CEP152: variants seen among roughly 807,000 people sequenced by gnomAD.
CEP152 encodes the protein centrosomal protein of 152 kDa.
Under a neutral mutation model 188.9 loss-of-function variants are expected in CEP152, and 132 were observed. The ratio of observed to expected loss-of-function variants is 0.70; its 90% CI spans 0.61 to 0.81. The LOEUF (loss-of-function observed/expected upper bound fraction) is 0.81. Among genes scored for constraint, CEP152 ranks in the 30% least tolerant of loss-of-function variants. The pLI, the probability that CEP152 is intolerant of heterozygous loss-of-function variation, is 0.00. For synonymous variants in CEP152, 649 were observed against 666.6 expected (o/e 0.97, Z 0.41); for missense variants, 1,914 against 1,969.8 (o/e 0.97, Z 0.54).
intron 19 of CEP152, 144 bp downstream of exon 19, chr15:48,759,991 C>T (rs529604302): frequency 4.8e-6 from 5 of 1,035,150 alleles, no homozygotes; most frequent in Non-Finnish European, 7.3e-6. Flanking sequence ...AGAACACTTG[C>T]TAGGCTTTGA....
At chr15:48,791,936 G>A (rs1446603582) in intron 7 of CEP152, among the ~76,000 whole-genome samples, 1 of 152,026 alleles carries the variant, frequency 6.6e-6, no homozygotes, top group African/African-American at 2.4e-5. Flanking sequence ...CCCTTTTGGG[G>A]ACAAATCCCT....
At chr15:48,766,766 A>G (rs1188612206) in intron 17 of CEP152, among the ~76,000 whole-genome samples, 1 of 151,732 alleles carries the variant, frequency 6.6e-6, no homozygotes, top group African/African-American at 2.4e-5. Context: ...TGTGATTTTC[A>G]GATTTAAAGT....
intron 7 of CEP152, 117 bp from the exon 8 acceptor site, chr15:48,791,493 T>A: frequency 1.1e-6 from 1 of 925,064 alleles, no homozygotes; most frequent in Non-Finnish European, 1.7e-6. Context: ...TAAATTTAAT[T>A]CAGAAAAATG....
chr15:48,809,267 T>G (rs1003448406), intron 1 of CEP152, among the ~76,000 whole-genome samples: 3 of 152,334 alleles, frequency 2.0e-5, no homozygotes, highest in African/African-American at 7.2e-5. Context: ...AATTCATTAC[T>G]TCAATAAAAT....
chr15:48,769,447 C>T (rs1193996980), intron 13 of CEP152, among the ~76,000 whole-genome samples: 1 of 152,124 alleles, frequency 6.6e-6, no homozygotes, highest in African/African-American at 2.4e-5. Context: ...AATACTAACC[C>T]GTTATTTTGT....
chr15:48,735,689 C>T (rs1016749255), downstream of CEP152, among the ~76,000 whole-genome samples: 1 of 152,030 alleles, frequency 6.6e-6, no homozygotes, highest in South Asian at 2.1e-4. Flanking sequence ...GAGCCAAGAT[C>T]GCGCCACTTC....
At chr15:48,770,750 C>T (rs1895470165) in intron 13 of CEP152, among the ~76,000 whole-genome samples, 1 of 152,294 alleles carries the variant, frequency 6.6e-6, no homozygotes, top group South Asian at 2.1e-4. Context: ...GGAGGAGTCT[C>T]TCTCATTTGC....
Position 48,793,426 on chromosome 15 carries a change from C to A in CEP152, c.727G>T (p.Val243Phe). ...TGTCTCTCTTTTGCTTTGTTAAGAA[C>A]CTGAAGTTGAATAATCTGCATATTT... ...AENMQIIQLQ[V>F]LNKAKERQLE... The change falls in exon 7 of 27, where the codon GTT becomes TTT. Residue 243 changes from valine (V) to phenylalanine (F), a missense_variant. Val to Phe is a conservative substitution (Grantham distance 50). Transcript: ENST00000380950. The A allele has an allele frequency of 6.2e-7, 1 of 1,613,510 alleles. No individual in the cohort carries two copies. The highest frequency in any genetic ancestry group is 8.5e-7 in the Non-Finnish European group (1 of 1,179,710).
intron 17 of CEP152, 93 bp from the exon 18 acceptor site, chr15:48,762,765 G>GGTTGC: frequency 8.1e-7 from 1 of 1,228,682 alleles, no homozygotes; most frequent in Non-Finnish European, 1.2e-6. Flanking sequence ...CCACAGCTGT[G>GGTTGC]TTTGAAAACC....
At chr15:48,758,903 C>T (rs546825644) in intron 19 of CEP152, among the ~76,000 whole-genome samples, 19 of 152,170 alleles carry the variant, frequency 1.2e-4, no homozygotes, top group African/African-American at 4.3e-4. Flanking sequence ...CTTTCACAAA[C>T]ATACAGCCTT....
chr15:48,789,565 T>C (rs1896880581), intron 8 of CEP152, among the ~76,000 whole-genome samples: 1 of 152,158 alleles, frequency 6.6e-6, no homozygotes. Flanking sequence ...AAAATTAAGA[T>C]TGTATGTGGA....
At chr15:48,779,587 C>T (rs1896123044) in intron 12 of CEP152, among the ~76,000 whole-genome samples, 1 of 152,138 alleles carries the variant, frequency 6.6e-6, no homozygotes. Flanking sequence ...TTTTATTCCT[C>T]AGTTTAACCT....
intron 25 of CEP152, 47 bp downstream of exon 25, chr15:48,741,900 C>T: frequency 6.2e-7 from 1 of 1,614,070 alleles, no homozygotes; most frequent in Non-Finnish European, 8.5e-7. Context: ...AAAATGATAA[C>T]ATGTTGTCCT....
Position 48,744,960 on chromosome 15 carries a change from C to T in CEP152, c.3667G>A (p.Glu1223Lys). 6.2e-7 allele frequency: 1 copy of T among 1,608,464 alleles called. No individual in the cohort carries two copies. The highest frequency in any genetic ancestry group is 8.5e-7 in the Non-Finnish European group (1 of 1,177,792). ...TTATTCTTCATGTCGTTGTTTTCTT[C>T]TATTAATTCTTCAACAACTTTATTA... ...ENNKVVEELI[E>K]ENNDMKNKLE... Residue 1223 changes from glutamate (E) to lysine (K), a missense_variant, in exon 23 of 27, where the codon GAA becomes AAA. Transcript: ENST00000380950.
chr15:48,756,364 T>G lies in CEP152; in HGVS notation c.2884A>C (p.Lys962Gln), dbSNP rs1894267866. ...ELAKARSEWN[K>Q]EKQEEIHRIQ... ...CTGTGGATTTCTTCTTGCTTTTCTT[T>G]GTTCCATTCACTCCGAGCCTTAGCT... The change falls in exon 20 of 27, where the codon AAA (lysine) becomes CAA (glutamine). Residue 962 changes from lysine to glutamine, a missense_variant. Physicochemically the swap from Lys to Gln is moderately conservative, Grantham distance 53. Transcript: ENST00000380950. The G allele has an allele frequency of 6.3e-7, 1 of 1,583,246 alleles. No individual in the cohort carries two copies. The highest frequency in any genetic ancestry group is 8.6e-7 in the Non-Finnish European group (1 of 1,168,024).
intron 2 of CEP152, among the ~76,000 whole-genome samples, chr15:48,805,360 G>A (rs952429097): frequency 3.9e-5 from 6 of 151,900 alleles, no homozygotes; most frequent in Admixed American, 6.6e-5. Context: ...TCACAGTTGT[G>A]TTTTATTCCT....
At chr15:48,761,323 T>C (rs751168021) in intron 18 of CEP152, among the ~76,000 whole-genome samples, 1 of 152,194 alleles carries the variant, frequency 6.6e-6, no homozygotes, top group Non-Finnish European at 1.5e-5. Flanking sequence ...ATAAGCAGAA[T>C]TTCAAGTATT....
intron 26 of CEP152, chr15:48,741,113 G>A (rs2140559744): frequency 1.0e-6 from 1 of 976,450 alleles, no homozygotes; most frequent in South Asian, 4.4e-5. Flanking sequence ...TGTAGCTTCT[G>A]GTCTATCCAC....
At chr15:48,783,629 G>T (rs897401567) in intron 10 of CEP152, among the ~76,000 whole-genome samples, 6 of 151,728 alleles carry the variant, frequency 4.0e-5, no homozygotes, top group Non-Finnish European at 7.4e-5. Context: ...TTCATTTGAA[G>T]GAAATACATT....
Sources: allele counts gnomAD v4.1 joint callset (sites outside exome capture counted in the v4.1 genomes callset), GRCh38; gene constraint gnomAD v4.1.1; transcripts MANE v1.5; gene names NCBI Gene and HGNC (gene_info 2026-07-23, HGNC 2026-07-21).